The following GDPD4 variants were observed in gnomAD, a reference collection of about 807,000 sequenced individuals.
GDPD4 encodes the protein glycerophosphodiester phosphodiesterase domain containing 4, also known as glycerophosphodiester phosphodiesterase 6.
Under a neutral mutation model 67.8 loss-of-function variants are expected in GDPD4, and 60 were observed. The ratio of observed to expected loss-of-function variants is 0.88; its 90% CI spans 0.72 to 1.10. The LOEUF (loss-of-function observed/expected upper bound fraction) is 1.10. GDPD4 is among the 50% of genes least tolerant of loss of function. GDPD4 has a pLI of 0.00. For synonymous variants in GDPD4, 212 were observed against 210.9 expected (o/e 1.00, Z -0.04); for missense variants, 623 against 613.9 (o/e 1.01, Z -0.16).
At chr11:77,290,555 T>G (rs530625341) in intron 1 of GDPD4, among the ~76,000 whole-genome samples, 1 of 151,876 alleles carries the variant, frequency 6.6e-6, no homozygotes, top group East Asian at 1.9e-4. Context: ...GAAAAAAAAA[T>G]TATTGAAACA....
chr11:77,263,366 A>G (rs1251342615), intron 10 of GDPD4, among the ~76,000 whole-genome samples: 3 of 152,214 alleles, frequency 2.0e-5, no homozygotes, highest in African/African-American at 7.2e-5. Context: ...CATATGCTTT[A>G]CACAAAAATG....
chr11:77,265,178 C>T (rs111343997), intron 10 of GDPD4, among the ~76,000 whole-genome samples: 6,838 of 152,152 alleles, frequency 0.045, 337 homozygotes, highest in African/African-American at 0.12. Context: ...CTCCCATGTG[C>T]ACATAGGTAA....
Position 77,245,449 on chromosome 11 carries a change from T to C in GDPD4, c.918A>G (p.Ala306=). ...CTAGTGTTGGAATTGACTGATTTCTTGCTCTTTCTTTATCTGCCTCTGATA... is the reference window on the plus strand; with the variant it reads ...CTAGTGTTGGAATTGACTGATTTCTCGCTCTTTCTTTATCTGCCTCTGATA... ...KPLSEADKER[A]RNQSIPTLAD... is the part of the protein sequence containing the mutation. The change falls in exon 12 of 17, where the codon GCA becomes GCG. Residue 306 remains alanine (A), a synonymous_variant. Coordinates refer to ENST00000315938, the MANE Select transcript of GDPD4 (RefSeq NM_182833.3). The C allele has an allele frequency of 6.2e-7, 1 of 1,614,202 alleles. No individual in the cohort carries two copies. The highest frequency in any genetic ancestry group is 1.1e-5 in the South Asian group (1 of 91,086).
intron 11 of GDPD4, among the ~76,000 whole-genome samples, chr11:77,252,290 C>T (rs1457863859): frequency 6.6e-6 from 1 of 152,054 alleles, no homozygotes; most frequent in African/African-American, 2.4e-5. Flanking sequence ...TCTCCAACTC[C>T]TGACCTCAGG....
Position 77,271,327 on chromosome 11 carries a change from C to G in GDPD4, c.274G>C (p.Glu92Gln). The G allele has an allele frequency of 6.2e-7, 1 of 1,613,960 alleles. No homozygotes were observed. Among genetic ancestry groups the G allele is most frequent in the Non-Finnish European group, 8.5e-7 (1 of 1,179,818 alleles). The change falls in exon 6 of 17, where the codon GAA becomes CAA. Residue 92 changes from glutamate (E) to glutamine (Q), a missense_variant. Transcript: ENST00000315938. ...GACAGCCCAGCTACCAGCCACCTTT[C>G]TTTCCAGAATTTGCATATAATGAAC... ...LMFIICKFWK[E>Q]RWLVAGLSMQ... is the part of the protein sequence containing the mutation.
intron 13 of GDPD4, 128 bp from the exon 14 acceptor site, chr11:77,233,300 A>G: frequency 1.3e-6 from 1 of 788,334 alleles, no homozygotes; most frequent in South Asian, 1.6e-5. Flanking sequence ...TCCAGGGACA[A>G]TTCATGATAC....
At chr11:77,274,222 G>A (rs189098380) in intron 5 of GDPD4, among the ~76,000 whole-genome samples, 5 of 152,230 alleles carry the variant, frequency 3.3e-5, no homozygotes, top group Admixed American at 2.6e-4. Context: ...AAATCTCATG[G>A]CTTCAAGCTC....
intron 4 of GDPD4, among the ~76,000 whole-genome samples, chr11:77,277,533 G>A (rs973998839): frequency 6.7e-6 from 1 of 150,188 alleles, no homozygotes; most frequent in Non-Finnish European, 1.5e-5. Flanking sequence ...CTCCCGAGTA[G>A]CTGGGACTAT....
intron 1 of GDPD4, among the ~76,000 whole-genome samples, chr11:77,295,750 G>GA (rs1161741466): frequency 6.6e-6 from 1 of 152,042 alleles, no homozygotes; most frequent in Non-Finnish European, 1.5e-5. Flanking sequence ...ATCCATAATA[G>GA]AAAAAACATA....
intron 3 of GDPD4, among the ~76,000 whole-genome samples, chr11:77,283,372 C>T (rs1959845736): frequency 2.0e-5 from 3 of 152,260 alleles, no homozygotes; most frequent in South Asian, 4.1e-4. Context: ...ACCACCACCA[C>T]GCTATTTTTG....
intron 11 of GDPD4, among the ~76,000 whole-genome samples, chr11:77,252,037 GGTTT>G (rs1473652400): frequency 7.2e-6 from 1 of 138,906 alleles, no homozygotes; most frequent in African/African-American, 2.8e-5. Flanking sequence ...TGTCCATTTG[GGTTT>G]TTTTGTTTGT....
intron 13 of GDPD4, among the ~76,000 whole-genome samples, chr11:77,233,826 G>A (rs1958500200): frequency 6.6e-6 from 1 of 152,008 alleles, no homozygotes; most frequent in Non-Finnish European, 1.5e-5. Flanking sequence ...AAATAAATGA[G>A]TACCAATCTG....
At chr11:77,250,367 A>G (rs535147544) in intron 11 of GDPD4, among the ~76,000 whole-genome samples, 77 of 152,306 alleles carry the variant, frequency 5.1e-4, no homozygotes, top group African/African-American at 1.8e-3. Flanking sequence ...GTATTAATTC[A>G]CTTAGGATAA....
In GDPD4 at chr11:77,271,045, C is replaced by T. The variant is rs938220947; in HGVS notation, c.400+85G>A. ...CAACGAGGCATAGGGGTGGCTAGTTCCCAAGCTTCTGTTTTCCTGAGTGGA... is the reference window on the plus strand; with the variant it reads ...CAACGAGGCATAGGGGTGGCTAGTTTCCAAGCTTCTGTTTTCCTGAGTGGA... On this transcript the variant is annotated intron_variant, in intron 7 of 16. Coordinates refer to ENST00000315938, the MANE Select transcript of GDPD4 (RefSeq NM_182833.3). 5 of 932,420 alleles carry T rather than the reference C, an allele frequency of 5.4e-6. No homozygotes were observed. The African/African-American group carries it at 8.3e-5, about 16-fold the overall frequency. 57.8% of individuals were successfully genotyped at this position (932,420 alleles called of 1,614,324 possible). A position where few individuals can be genotyped will look rare whatever the true frequency, so the allele number is the denominator to read the frequency against.
chr11:77,235,905 A>G (rs1958555204), intron 13 of GDPD4, among the ~76,000 whole-genome samples: 1 of 151,540 alleles, frequency 6.6e-6, no homozygotes, highest in African/African-American at 2.4e-5. Context: ...ACAGTGAACA[A>G]TGATCACATC....
intron 16 of GDPD4, among the ~76,000 whole-genome samples, chr11:77,223,717 A>G (rs1012294910): frequency 4.6e-5 from 7 of 151,746 alleles, no homozygotes; most frequent in South Asian, 4.2e-4. Context: ...GAGAACCACT[A>G]CTCTCTTCAG....
intron 10 of GDPD4, among the ~76,000 whole-genome samples, chr11:77,261,047 TTC>T (rs1200578322): frequency 7.9e-5 from 12 of 152,218 alleles, no homozygotes; most frequent in Non-Finnish European, 1.5e-4. Context: ...GAATGCTGAA[TTC>T]TTTCCTGGCT....
intron 2 of GDPD4, among the ~76,000 whole-genome samples, chr11:77,286,507 C>T (rs1389270278): frequency 6.6e-6 from 1 of 152,218 alleles, no homozygotes; most frequent in Non-Finnish European, 1.5e-5. Flanking sequence ...TTTCCTACCC[C>T]TTTCCTTGTG....
At position 77,227,851 on chromosome 11, in the gene GDPD4, C is replaced by T; in HGVS notation, c.1525+13G>A. 1 of 1,604,740 alleles carries T rather than the reference C, an allele frequency of 6.2e-7. No individual in the cohort carries two copies. Among genetic ancestry groups the T allele is most frequent in the Non-Finnish European group, 8.5e-7 (1 of 1,171,770 alleles). ...GATGAAGAGACAGGAGTGGGCTAGGCCTCTGACTTTACCTGTGCGAGTGCT... is the reference window on the plus strand; with the variant it reads ...GATGAAGAGACAGGAGTGGGCTAGGTCTCTGACTTTACCTGTGCGAGTGCT... On this transcript the variant is annotated intron_variant, in intron 16 of 16. Transcript: ENST00000315938.
Sources: gnomAD v4.1 joint callset for allele counts (sites outside exome capture counted in the v4.1 genomes callset) on GRCh38, gnomAD v4.1.1 for gene constraint, MANE v1.5 for transcripts, NCBI Gene and HGNC (gene_info 2026-07-23, HGNC 2026-07-21) for gene names.